C1orf122: variants seen among roughly 807,000 people sequenced by gnomAD.
C1orf122 encodes chromosome 1 open reading frame 122, also known as uncharacterized protein C1orf122.
In C1orf122, 12 loss-of-function variants were observed where a neutral mutation model predicts 12.9. The ratio of observed to expected loss-of-function variants is 0.93; its 90% CI spans 0.60 to 1.51. C1orf122 has a LOEUF of 1.51. C1orf122 is among the 40% of genes most tolerant of loss of function. The pLI, the probability that C1orf122 is intolerant of heterozygous loss-of-function variation, is 0.00. For missense variants in C1orf122, 144 were observed against 162.1 expected (o/e 0.89, Z 0.61); for synonymous variants, 57 against 73.4 (o/e 0.78, Z 1.14).
Position 37,808,442 on chromosome 1 carries a change from G to C in C1orf122, c.35+3G>C, listed in dbSNP as rs1646759101. 1 of 1,281,520 alleles carries C rather than the reference G, an allele frequency of 7.8e-7. No homozygotes were observed. The highest frequency in any genetic ancestry group is 9.8e-7 in the Non-Finnish European group (1 of 1,015,470). The allele number at this position is 1,281,520 out of a possible 1,614,324, so 79.4% of individuals were successfully genotyped here. On this transcript the variant is annotated splice_donor_region_variant and intron_variant, in intron 1 of 2. Transcript: ENST00000373042. Reference sequence around the variant, plus strand: ...CCGGGCTCAGACTGGTCACGGGGGTGAGAGGGGGCCCGTCGGGGCGGGAGG... The same window carrying C: ...CCGGGCTCAGACTGGTCACGGGGGTCAGAGGGGGCCCGTCGGGGCGGGAGG...
Position 37,808,731 on chromosome 1 carries a change from G to A in C1orf122, c.236G>A (p.Gly79Glu), listed in dbSNP as rs753649903. The A allele has an allele frequency of 1.4e-6, 2 of 1,429,428 alleles. No homozygotes were observed. The highest frequency in any genetic ancestry group is 1.8e-6 in the Non-Finnish European group (2 of 1,104,754). 88.5% of individuals were successfully genotyped at this position (1,429,428 alleles called of 1,614,324 possible). Residue 79 changes from glycine to glutamate, a missense_variant and splice_region_variant, in exon 2 of 3, where the codon GGG (glycine) becomes GAG (glutamate). Gly to Glu is a moderately conservative substitution (Grantham distance 98, BLOSUM62 -2). Transcript: ENST00000373042. ...CGGCGCCCGGAGCCGGCTGGTGGCG[G>A]GGTTAGTGCCCACCCTGGGCTGGGC... ...GRRRPEPAGG[G>E]NVSAKPGAPP...
At chr1:37,808,800 C>G in intron 2 of C1orf122, 68 bp downstream of exon 2, 3 of 1,464,884 alleles carry the variant, frequency 2.0e-6, no homozygotes, top group Non-Finnish European at 2.7e-6. Flanking sequence ...TGGCCAAGCC[C>G]TAGCTTACCC....
chr1:37,808,154 C>T lies in C1orf122; in HGVS notation c.-251C>T, dbSNP rs1023210520. 10 of 1,465,848 alleles carry T rather than the reference C, an allele frequency of 6.8e-6. No homozygotes were observed. Among genetic ancestry groups the T allele is most frequent in the South Asian group, 2.6e-5 (2 of 77,360 alleles). 90.8% of individuals were successfully genotyped at this position (1,465,848 alleles called of 1,614,324 possible). A position where few individuals can be genotyped will look rare whatever the true frequency, so the allele number is the denominator to read the frequency against. On this transcript the variant is annotated 5_prime_UTR_variant, in exon 1 of 3. Transcript: ENST00000373042. ...CGCTGGCAGCCACCGCGGCCCTCAT[C>T]CCCCTGCACCGACGCGCCGGAGACA...
intron 2 of C1orf122, 82 bp downstream of exon 2, chr1:37,808,814 A>AG (rs1646764098): frequency 5.5e-6 from 8 of 1,464,302 alleles, no homozygotes; most frequent in East Asian, 4.6e-5. Flanking sequence ...CTTACCCTGG[A>AG]GGGGGGAAGT....
chr1:37,808,871 T>C, intron 2 of C1orf122, 107 bp from the exon 3 acceptor site: 1 of 1,453,634 alleles, frequency 6.9e-7, no homozygotes, highest in Non-Finnish European at 9.3e-7. Context: ...TGGTGAGAGG[T>C]TTCGAAAAAG....
rs892005799 is a variant in C1orf122, at chr1:37,808,926, A to G, written c.238-52A>G. 2.5e-6 allele frequency: 4 copies of G among 1,574,256 alleles called. No homozygotes were observed. The African/African-American group carries it at 4.1e-5, about 16-fold the overall frequency. ...AAATGGCCACATCCTTGTGGGGCCT[A>G]ATCCAAGGCCTTGCCTCCCAGCCTC... is the stretch of plus-strand genomic sequence containing the variant. On this transcript the variant is annotated intron_variant, in intron 2 of 2. Transcript: ENST00000373042.
rs923231476 is a variant in C1orf122 at position 37,807,945 on chromosome 1, G to T, written c.-460G>T. ...GGTGGGGACGGCCACCACGGCGCCG[G>T]CGCGCAGCTCGGCCACGGCGGCCCG... is the stretch of plus-strand genomic sequence containing the variant. On this transcript the variant is annotated 5_prime_UTR_variant, in exon 1 of 3. Transcript: ENST00000373042. 1.8e-5 allele frequency: 22 copies of T among 1,233,820 alleles called. No individual in the cohort carries two copies. The highest frequency in any genetic ancestry group is 1.4e-5 in the Non-Finnish European group (14 of 988,542). 76.4% of individuals were successfully genotyped at this position (1,233,820 alleles called of 1,614,324 possible).
At position 37,807,928 on chromosome 1, in the gene C1orf122, C is replaced by T. The variant is rs1487939313; in HGVS notation, c.-477C>T. 12 of 1,254,888 alleles carry T rather than the reference C, an allele frequency of 9.6e-6. No homozygotes were observed. The highest frequency in any genetic ancestry group is 3.2e-5 in the East Asian group (1 of 31,634). 77.7% of individuals were successfully genotyped at this position (1,254,888 alleles called of 1,614,324 possible). On this transcript the variant is annotated 5_prime_UTR_variant, in exon 1 of 3. The change creates a new upstream start codon in the 5' untranslated region. Transcript: ENST00000373042. ...AGGCCGTACAGCGTATCGGTGGGGA[C>T]GGCCACCACGGCGCCGGCGCGCAGC...
chr1:37,808,167 C>T lies in C1orf122; in HGVS notation c.-238C>T, dbSNP rs1569828979. On this transcript the variant is annotated 5_prime_UTR_variant, in exon 1 of 3. In the 5' UTR this introduces an upstream ATG that the reference lacks. Transcript: ENST00000373042. ...CGCGGCCCTCATCCCCCTGCACCGA[C>T]GCGCCGGAGACATCCGCCCAGGCCC... The T allele has an allele frequency of 6.9e-7, 1 of 1,458,014 alleles. No individual in the cohort carries two copies. The allele number at this position is 1,458,014 out of a possible 1,614,324, so 90.3% of individuals were successfully genotyped here.
In C1orf122 at chr1:37,808,453, C is replaced by T; in HGVS notation, c.35+14C>T. On this transcript the variant is annotated intron_variant, in intron 1 of 2. Coordinates refer to ENST00000373042, the MANE Select transcript of C1orf122 (RefSeq NM_198446.3). ...CTGGTCACGGGGGTGAGAGGGGGCCCGTCGGGGCGGGAGGAAGGGGCTTGG... is the reference window on the plus strand; with the variant it reads ...CTGGTCACGGGGGTGAGAGGGGGCCTGTCGGGGCGGGAGGAAGGGGCTTGG... 2 of 1,276,164 alleles carry T rather than the reference C, an allele frequency of 1.6e-6. No homozygotes were observed. Among genetic ancestry groups the T allele is most frequent in the African/African-American group, 1.5e-5 (1 of 64,654 alleles). 79.1% of individuals were successfully genotyped at this position (1,276,164 alleles called of 1,614,324 possible).
rs1234283947 is a variant in C1orf122 at position 37,808,666 on chromosome 1, C to T, written c.171C>T (p.Thr57=). Residue 57 remains threonine, a synonymous_variant, in exon 2 of 3, where the codon ACC becomes ACT. Coordinates refer to ENST00000373042, the MANE Select transcript of C1orf122 (RefSeq NM_198446.3). The part of the protein sequence containing the change: ...VEQRQRQLLD[T]IAACEEMLRQ... ...AGCGGCAGCGGCAGCTCCTGGACAC[C>T]ATCGCAGCCTGCGAGGAGATGTTAC... 9 of 1,405,820 alleles carry T rather than the reference C, an allele frequency of 6.4e-6. No homozygotes were observed. The highest frequency in any genetic ancestry group is 5.9e-5 in the African/African-American group (4 of 67,244). 87.1% of individuals were successfully genotyped at this position (1,405,820 alleles called of 1,614,324 possible).
rs1239024406 is a variant in C1orf122 at position 37,808,883 on chromosome 1, T to C, written c.238-95T>C. On this transcript the variant is annotated intron_variant, in intron 2 of 2. Transcript: ENST00000373042. ...ATCTGGTGAGAGGTTTCGAAAAAGTTAATACTATCCAAATGCCAAATGGCC... is the reference window on the plus strand; with the variant it reads ...ATCTGGTGAGAGGTTTCGAAAAAGTCAATACTATCCAAATGCCAAATGGCC... 3.4e-6 allele frequency: 5 copies of C among 1,474,970 alleles called. No individual in the cohort carries two copies. The African/African-American group carries it at 7.1e-5, about 21-fold the overall frequency. The allele number at this position is 1,474,970 out of a possible 1,614,324, so 91.4% of individuals were successfully genotyped here.
At position 37,808,289 on chromosome 1, in the gene C1orf122, G is replaced by C. The variant is rs751582886; in HGVS notation, c.-116G>C. ...AGCTTAAAGGGACCACGACCCCCAG[G>C]AGGATTGAAGGAGACCGGTGGGGAC... is the stretch of plus-strand genomic sequence containing the variant. On this transcript the variant is annotated 5_prime_UTR_variant, in exon 1 of 3. Transcript: ENST00000373042. 6.1e-4 allele frequency: 781 copies of C among 1,289,786 alleles called. No homozygotes were observed. The highest frequency in any genetic ancestry group is 7.2e-4 in the Non-Finnish European group (732 of 1,019,274). The allele number at this position is 1,289,786 out of a possible 1,614,324, so 79.9% of individuals were successfully genotyped here. A position where few individuals can be genotyped will look rare whatever the true frequency, so the allele number is the denominator to read the frequency against.
Position 37,808,156 on chromosome 1 carries a change from C to G in C1orf122, c.-249C>G, listed in dbSNP as rs1377829579. On this transcript the variant is annotated 5_prime_UTR_variant, in exon 1 of 3. Coordinates refer to ENST00000373042, the MANE Select transcript of C1orf122 (RefSeq NM_198446.3). ...CTGGCAGCCACCGCGGCCCTCATCCCCCTGCACCGACGCGCCGGAGACATC... is the reference window on the plus strand; with the variant it reads ...CTGGCAGCCACCGCGGCCCTCATCCGCCTGCACCGACGCGCCGGAGACATC... 1.4e-6 allele frequency: 2 copies of G among 1,466,242 alleles called. No homozygotes were observed. Among genetic ancestry groups the G allele is most frequent in the Non-Finnish European group, 1.8e-6 (2 of 1,114,940 alleles). 90.8% of individuals were successfully genotyped at this position (1,466,242 alleles called of 1,614,324 possible).
Position 37,808,447 on chromosome 1 carries a change from G to A in C1orf122, c.35+8G>A, listed in dbSNP as rs1190787203. 4 of 1,278,914 alleles carry A rather than the reference G, an allele frequency of 3.1e-6. No individual in the cohort carries two copies. The highest frequency in any genetic ancestry group is 3.9e-6 in the Non-Finnish European group (4 of 1,013,968). 79.2% of individuals were successfully genotyped at this position (1,278,914 alleles called of 1,614,324 possible). ...CTCAGACTGGTCACGGGGGTGAGAGGGGGCCCGTCGGGGCGGGAGGAAGGG... is the reference window on the plus strand; with the variant it reads ...CTCAGACTGGTCACGGGGGTGAGAGAGGGCCCGTCGGGGCGGGAGGAAGGG... On this transcript the variant is annotated splice_region_variant and intron_variant, in intron 1 of 2. Transcript: ENST00000373042.
chr1:37,808,432 T>C lies in C1orf122; in HGVS notation c.28T>C (p.Ser10Pro). 7.8e-7 allele frequency: 1 copy of C among 1,282,388 alleles called. No homozygotes were observed. Among genetic ancestry groups the C allele is most frequent in the Non-Finnish European group, 9.8e-7 (1 of 1,015,794 alleles). The allele number at this position is 1,282,388 out of a possible 1,614,324, so 79.4% of individuals were successfully genotyped here. Residue 10 changes from serine (S) to proline (P), a missense_variant, in exon 1 of 3, where the codon TCA (serine) becomes CCA (proline). Physicochemically the swap from Ser to Pro is moderately conservative, Grantham distance 74. Coordinates refer to ENST00000373042, the MANE Select transcript of C1orf122 (RefSeq NM_198446.3). MEWGPGSDW[S>P]RGEAAGVDRG... Reference sequence around the variant, plus strand: ...GGAATGGGGCCCGGGCTCAGACTGGTCACGGGGGTGAGAGGGGGCCCGTCG... The same window carrying C: ...GGAATGGGGCCCGGGCTCAGACTGGCCACGGGGGTGAGAGGGGGCCCGTCG...
chr1:37,808,626 T>C lies in C1orf122; in HGVS notation c.131T>C (p.Leu44Pro). 7.6e-7 allele frequency: 1 copy of C among 1,316,506 alleles called. No homozygotes were observed. Among genetic ancestry groups the C allele is most frequent in the Non-Finnish European group, 9.7e-7 (1 of 1,035,074 alleles). 81.6% of individuals were successfully genotyped at this position (1,316,506 alleles called of 1,614,324 possible). A position where few individuals can be genotyped will look rare whatever the true frequency, so the allele number is the denominator to read the frequency against. The change falls in exon 2 of 3, where the codon CTG becomes CCG. Residue 44 changes from leucine (L) to proline (P), a missense_variant. Coordinates refer to ENST00000373042, the MANE Select transcript of C1orf122 (RefSeq NM_198446.3). ...PPREERAQQL[L>P]DAVEQRQRQL... The stretch of plus-strand genomic sequence containing the variant: ...CGGGAGGAGCGCGCCCAGCAGCTGC[T>C]GGACGCGGTGGAGCAGCGGCAGCGG...
At position 37,808,518 on chromosome 1, in the gene C1orf122, C is replaced by A; in HGVS notation, c.36-13C>A. On this transcript the variant is annotated splice_polypyrimidine_tract_variant and intron_variant, in intron 1 of 2. Coordinates refer to ENST00000373042, the MANE Select transcript of C1orf122 (RefSeq NM_198446.3). ...CGGCCCTGACCGTCTGTCTCTCGCT[C>A]TCTCCCGGGCAGGGAGGCTGCCGGC... 4 of 1,289,690 alleles carry A rather than the reference C, an allele frequency of 3.1e-6. No individual in the cohort carries two copies. Among genetic ancestry groups the A allele is most frequent in the Non-Finnish European group, 3.9e-6 (4 of 1,020,230 alleles). 79.9% of individuals were successfully genotyped at this position (1,289,690 alleles called of 1,614,324 possible).
intron 1 of C1orf122, 25 bp from the exon 2 acceptor site, chr1:37,808,506 C>G: frequency 7.8e-7 from 1 of 1,283,338 alleles, no homozygotes. Flanking sequence ...CCCTGACCGT[C>G]TGTCTCTCGC....
Sources: allele counts gnomAD v4.1 joint callset, GRCh38; gene constraint gnomAD v4.1.1; transcripts MANE v1.5; gene names NCBI Gene and HGNC (gene_info 2026-07-23, HGNC 2026-07-21).